Variants in MEI4 observed in about 807,000 individuals in gnomAD.
MEI4 encodes meiotic double-stranded break formation protein 4.
In MEI4, 27 loss-of-function variants were observed where a neutral mutation model predicts 31.4. The ratio of observed to expected loss-of-function variants is 0.86; its 90% CI spans 0.63 to 1.19. The LOEUF (loss-of-function observed/expected upper bound fraction) is 1.19. MEI4 is among the 50% of genes most tolerant of loss of function. The pLI, the probability that MEI4 is intolerant of heterozygous loss-of-function variation, is 0.00. For synonymous variants in MEI4, 122 were observed against 145.4 expected (o/e 0.84, Z 1.16); for missense variants, 329 against 398.9 (o/e 0.82, Z 1.49).
At chr6:77,803,174 T>C (rs2127701528) in intron 3 of MEI4, among the ~76,000 whole-genome samples, 1 of 152,340 alleles carries the variant, frequency 6.6e-6, no homozygotes, top group Non-Finnish European at 1.5e-5. Context: ...TTCATTTCTT[T>C]TTATACTTTT....
At chr6:77,678,747 G>T (rs1360994882) in intron 1 of MEI4, among the ~76,000 whole-genome samples, 9 of 152,022 alleles carry the variant, frequency 5.9e-5, no homozygotes, top group Non-Finnish European at 1.2e-4. Context: ...TTGCAAAAGA[G>T]TCTCAGGTGG....
chr6:77,794,427 G>A (rs1486700106), intron 3 of MEI4, among the ~76,000 whole-genome samples: 1 of 152,092 alleles, frequency 6.6e-6, no homozygotes, highest in African/African-American at 2.4e-5. Context: ...GCCGGGTGTG[G>A]TGGTGGGTGC....
At chr6:77,706,043 C>T (rs1031905533) in intron 2 of MEI4, among the ~76,000 whole-genome samples, 2 of 152,086 alleles carry the variant, frequency 1.3e-5, no homozygotes, top group East Asian at 3.9e-4. Flanking sequence ...AAGCAAAGTC[C>T]CTTTCTGACC....
intron 2 of MEI4, among the ~76,000 whole-genome samples, chr6:77,697,600 G>T (rs1399341374): frequency 1.3e-5 from 2 of 152,146 alleles, no homozygotes; most frequent in East Asian, 3.9e-4. Context: ...TTAATCCTGA[G>T]TTCTAGTTTG....
rs533363048 is a variant in MEI4 at position 77,700,543 on chromosome 6, C to T, written c.232+9640C>T. On this transcript the variant is annotated intron_variant, in intron 2 of 4. Transcript: ENST00000684080. ...GAACTCCCTGACCCCTTGCGCTTCCCGAGTGAGGCAGTGCCTTGCCCTGCT... is the reference window on the plus strand; with the variant it reads ...GAACTCCCTGACCCCTTGCGCTTCCTGAGTGAGGCAGTGCCTTGCCCTGCT... Among the ~76,000 whole-genome samples, 14 of 152,322 alleles carry T rather than the reference C, an allele frequency of 9.2e-5. No homozygotes were observed. The South Asian group carries it at 1.9e-3, about 20-fold the overall frequency.
chr6:77,651,274 A>T (rs115053867), upstream of MEI4, among the ~76,000 whole-genome samples: 1,705 of 152,296 alleles, frequency 0.011, 37 homozygotes, highest in African/African-American at 0.037. Flanking sequence ...CCACATATGT[A>T]TGGAGAAAAC....
At chr6:77,809,848 A>G (rs77042689) in intron 3 of MEI4, among the ~76,000 whole-genome samples, 2,196 of 152,296 alleles carry the variant, frequency 0.014, 54 homozygotes, top group African/African-American at 0.05. Context: ...TGAAAAAAAA[A>G]TCATTGTTTA....
At chr6:77,676,926 G>C (rs1470523641) in intron 1 of MEI4, among the ~76,000 whole-genome samples, 1 of 152,120 alleles carries the variant, frequency 6.6e-6, no homozygotes, top group Non-Finnish European at 1.5e-5. Flanking sequence ...CAACATATTT[G>C]TGGAACTGAA....
intron 1 of MEI4, among the ~76,000 whole-genome samples, chr6:77,669,098 C>T (rs1483394055): frequency 6.6e-6 from 1 of 152,156 alleles, no homozygotes; most frequent in Non-Finnish European, 1.5e-5. Context: ...TTAATACAGA[C>T]ATGGATGCAT....
intron 2 of MEI4, among the ~76,000 whole-genome samples, chr6:77,726,909 G>A (rs928960636): frequency 6.6e-6 from 1 of 151,588 alleles, no homozygotes; most frequent in Non-Finnish European, 1.5e-5. Flanking sequence ...TTTTGAAATT[G>A]GTGCTTTAAA....
intron 3 of MEI4, among the ~76,000 whole-genome samples, chr6:77,796,537 T>A (rs1391886741): frequency 6.6e-6 from 1 of 152,084 alleles, no homozygotes; most frequent in Non-Finnish European, 1.5e-5. Context: ...AATAAACATT[T>A]AAAAAAATCA....
chr6:77,805,455 T>C (rs1476080247), intron 3 of MEI4, among the ~76,000 whole-genome samples: 1 of 152,158 alleles, frequency 6.6e-6, no homozygotes, highest in Admixed American at 6.5e-5. Flanking sequence ...TAAGATCAAC[T>C]TAAGAAAACT....
rs117215433 is a variant in MEI4 at position 77,842,035 on chromosome 6, T to A, written c.900+12973T>A. Among the ~76,000 whole-genome samples, 1,196 of 152,228 alleles carry A rather than the reference T, an allele frequency of 7.9e-3. 9 individuals are homozygous for A. Among genetic ancestry groups the A allele is most frequent in the Non-Finnish European group, 0.012 (786 of 67,984 alleles). On this transcript the variant is annotated intron_variant, in intron 4 of 4. Transcript: ENST00000684080. ...CTCTCAGTAATAATAAAATCAGGCATAAAATCAGCAATATCTTAGAAAACC... is the reference window on the plus strand; with the variant it reads ...CTCTCAGTAATAATAAAATCAGGCAAAAAATCAGCAATATCTTAGAAAACC...
At chr6:77,807,751 C>T (rs1161517038) in intron 3 of MEI4, among the ~76,000 whole-genome samples, 2 of 152,136 alleles carry the variant, frequency 1.3e-5, no homozygotes, top group Non-Finnish European at 2.9e-5. Context: ...GGACTATCCA[C>T]AGACATTCTG....
At chr6:77,793,765 C>T (rs1041662244) in intron 3 of MEI4, among the ~76,000 whole-genome samples, 2 of 151,676 alleles carry the variant, frequency 1.3e-5, no homozygotes, top group Non-Finnish European at 2.9e-5. Context: ...CTTGTGACAT[C>T]ACAAAGAAAA....
upstream of MEI4, among the ~76,000 whole-genome samples, chr6:77,651,266 A>G (rs539614323): frequency 1.1e-4 from 17 of 152,342 alleles, no homozygotes; most frequent in African/African-American, 3.8e-4. Context: ...GCAGGAAGCC[A>G]CATATGTATG....
intron 2 of MEI4, among the ~76,000 whole-genome samples, chr6:77,743,466 G>C (rs1171366246): frequency 1.3e-5 from 2 of 152,128 alleles, no homozygotes; most frequent in Non-Finnish European, 2.9e-5. Context: ...TTTGTACATT[G>C]ATTTTGTATC....
chr6:77,731,036 A>G lies in MEI4; in HGVS notation c.233-30094A>G, dbSNP rs542754134. Among the ~76,000 whole-genome samples, 52 of 151,994 alleles carry G rather than the reference A, an allele frequency of 3.4e-4. 1 individual carries two copies. In the South Asian group the frequency reaches 0.011, roughly 31 times the overall value. The stretch of plus-strand genomic sequence containing the variant: ...TTAATCCAGTCTATTGTTGTTGGAC[A>G]TTTGGGTTGGTTCCAAGCCTTTGCT... On this transcript the variant is annotated intron_variant, in intron 2 of 4. Transcript: ENST00000684080.
intron 2 of MEI4, among the ~76,000 whole-genome samples, chr6:77,747,694 C>T (rs970528483): frequency 1.3e-5 from 2 of 152,166 alleles, no homozygotes; most frequent in Non-Finnish European, 2.9e-5. Flanking sequence ...TCTCAAGTCT[C>T]ATATTCTTCT....
Sources: gnomAD v4.1 joint callset for allele counts (sites outside exome capture counted in the v4.1 genomes callset) on GRCh38, gnomAD v4.1.1 for gene constraint, MANE v1.5 for transcripts, NCBI Gene and HGNC (gene_info 2026-07-23, HGNC 2026-07-21) for gene names.